ARHGEF10L: variants seen among roughly 807,000 people sequenced by gnomAD.
ARHGEF10L encodes the protein Rho guanine nucleotide exchange factor 10 like.
A neutral mutation model predicts 141.2 loss-of-function variants in ARHGEF10L; 69 were observed. The observed-to-expected ratio is 0.49, with a 90% CI of 0.40 to 0.60. The LOEUF (loss-of-function observed/expected upper bound fraction) is 0.60, where lower values mean the gene tolerates loss of function less well. ARHGEF10L is among the 20% of genes least tolerant of loss of function. ARHGEF10L has a pLI of 0.00. For missense variants in ARHGEF10L, 1,482 were observed against 1,734.3 expected, an observed-to-expected ratio of 0.85 and a Z score of 2.58; for synonymous variants, 711 against 718.5, an observed-to-expected ratio of 0.99 and a Z score of 0.17.
At chr1:17,525,701 AT>A in the ARHGEF10L span, among the ~76,000 whole-genome samples, 2,653 of 151,684 alleles carry the variant, frequency 0.017, 71 homozygotes, top group African/African-American at 0.055. Flanking sequence ...TCTTTTAATA[AT>A]TTTTTTTTAA....
intron 26 of ARHGEF10L, among the ~76,000 whole-genome samples, chr1:17,682,315 G>A (rs1019456526): frequency 1.3e-5 from 2 of 152,042 alleles, no homozygotes; most frequent in African/African-American, 4.8e-5. Context: ...ATTCCACACC[G>A]GACTCTCTTC....
At chr1:17,680,779 T>C (rs1309374865) in intron 26 of ARHGEF10L, among the ~76,000 whole-genome samples, 1 of 143,510 alleles carries the variant, frequency 7.0e-6, no homozygotes, top group African/African-American at 2.6e-5. Flanking sequence ...TTGCCTTTTC[T>C]CCCATAACTT....
chr1:17,603,978 C>T lies in ARHGEF10L; in HGVS notation c.433+387C>T, dbSNP rs982007535. Among the ~76,000 whole-genome samples, 18 of 152,130 alleles carry T rather than the reference C, an allele frequency of 1.2e-4. No homozygotes were observed. The highest frequency in any genetic ancestry group is 2.2e-4 in the Non-Finnish European group (15 of 68,016). On this transcript the variant is annotated intron_variant, in intron 6 of 28. Transcript: ENST00000361221. The surrounding 1 kb of genome is among the most constrained non-coding windows in gnomAD (Gnocchi z 4.8). ...GCTTTGCAAAGCCCTGCGCCCTGCT[C>T]TGGGTTGAGGGCTGAGGTGGGCAGG...
At chr1:17,635,511 A>G (rs966513651) in intron 18 of ARHGEF10L, among the ~76,000 whole-genome samples, 2 of 151,934 alleles carry the variant, frequency 1.3e-5, no homozygotes, top group African/African-American at 4.8e-5. Flanking sequence ...GGGCTCCTGG[A>G]TGGGCCATGC....
chr1:17,530,952 C>G, the ARHGEF10L span, among the ~76,000 whole-genome samples: 2 of 151,828 alleles, frequency 1.3e-5, no homozygotes, highest in African/African-American at 4.8e-5. Context: ...TTGCAATGAG[C>G]CGAGATCGTG....
the ARHGEF10L span, among the ~76,000 whole-genome samples, chr1:17,520,885 G>C: frequency 6.6e-6 from 1 of 152,206 alleles, no homozygotes; most frequent in Non-Finnish European, 1.5e-5. Context: ...AACTGAGGTG[G>C]ATTGATGCAT....
intron 4 of ARHGEF10L, among the ~76,000 whole-genome samples, chr1:17,598,232 G>A (rs1357512450): frequency 6.6e-6 from 1 of 151,998 alleles, no homozygotes; most frequent in Non-Finnish European, 1.5e-5. Flanking sequence ...CTCCTGAGTA[G>A]CTGGGATTAC....
Position 17,588,465 on chromosome 1 carries a change from T to C in ARHGEF10L, c.243T>C (p.Ala81=). The C allele has an allele frequency of 6.2e-7, 1 of 1,613,902 alleles. No homozygotes were observed. The highest frequency in any genetic ancestry group is 1.1e-5 in the South Asian group (1 of 91,066). The part of the protein sequence containing the change: ...IPVTDPDPAA[A]PPGTGVPAWV... ...TTGCAGACCCAGACCCAGCAGCTGC[T>C]CCACCCGGCACAGGGTAAGTGAACC... Residue 81 remains alanine (A), a synonymous_variant, in exon 4 of 29, where the codon GCT becomes GCC. Transcript: ENST00000361221.
chr1:17,531,355 C>A, the ARHGEF10L span, among the ~76,000 whole-genome samples: 2 of 152,190 alleles, frequency 1.3e-5, no homozygotes, highest in Non-Finnish European at 2.9e-5. Flanking sequence ...ACATGACCAT[C>A]CTGGTGAAGG....
At chr1:17,533,758 C>A in the ARHGEF10L span, among the ~76,000 whole-genome samples, 1 of 152,278 alleles carries the variant, frequency 6.6e-6, no homozygotes, top group South Asian at 2.1e-4. Flanking sequence ...AGGGTTTCAT[C>A]TTGATGAGAC....
intron 23 of ARHGEF10L, 59 bp from the exon 24 acceptor site, chr1:17,655,820 C>T (rs2062205381): frequency 6.8e-7 from 1 of 1,466,150 alleles, no homozygotes; most frequent in African/African-American, 1.4e-5. Flanking sequence ...GGGCTGAGGT[C>T]CTCCTCTGCT....
rs2077755020 is a variant in ARHGEF10L at position 17,566,351 on chromosome 1, A to T, written c.-43-14202A>T. Among the ~76,000 whole-genome samples the T allele has an allele frequency of 2.0e-5, 3 of 152,240 alleles. 1 individual carries two copies. In the South Asian group the frequency reaches 6.2e-4, roughly 32 times the overall value. ...CATTGCCAAATGTCCCTTGGGGGAC[A>T]CAACAGCCCCTGGTTGAGAACCATG... On this transcript the variant is annotated intron_variant, in intron 1 of 28. Coordinates refer to ENST00000361221, the MANE Select transcript of ARHGEF10L (RefSeq NM_018125.4).
chr1:17,634,802 C>A, intron 17 of ARHGEF10L, 33 bp from the exon 18 acceptor site: 2 of 1,578,142 alleles, frequency 1.3e-6, no homozygotes, highest in Non-Finnish European at 1.7e-6. Context: ...TGGCTGCAGC[C>A]TCTCCAGGGC....
chr1:17,683,738 T>A (rs11203435), intron 26 of ARHGEF10L, among the ~76,000 whole-genome samples: 34,343 of 152,138 alleles, frequency 0.23, 4,593 homozygotes, highest in African/African-American at 0.37. Context: ...AGCCTTCTGC[T>A]AAGCCCTCTG....
Position 17,656,046 on chromosome 1 carries a change from T to C in ARHGEF10L, c.2649T>C (p.Val883=), listed in dbSNP as rs768194821. The change falls in exon 24 of 29, where the codon GTT becomes GTC. Residue 883 remains valine (V), a synonymous_variant. Coordinates refer to ENST00000361221, the MANE Select transcript of ARHGEF10L (RefSeq NM_018125.4). This position sits in a 1 kb window ranked among gnomAD's most constrained non-coding sequence, Gnocchi z 4.9. ...EAESRDESPT[V]ADPSATVHPT... is the part of the protein sequence containing the mutation. Reference sequence around the variant, plus strand: ...AGAGCAGAGACGAGAGCCCGACAGTTGCTGACCCCTCGGCCACGGTGCATC... The same window carrying C: ...AGAGCAGAGACGAGAGCCCGACAGTCGCTGACCCCTCGGCCACGGTGCATC... The C allele has an allele frequency of 1.5e-5, 23 of 1,568,986 alleles. No individual in the cohort carries two copies. The highest frequency in any genetic ancestry group is 2.0e-5 in the Non-Finnish European group (23 of 1,156,546).
At chr1:17,526,093 A>T in the ARHGEF10L span, among the ~76,000 whole-genome samples, 1 of 151,490 alleles carries the variant, frequency 6.6e-6, no homozygotes, top group Non-Finnish European at 1.5e-5. Context: ...CCCACCCCCT[A>T]TTCCTCAGGG....
chr1:17,617,947 T>C (rs943287054), intron 9 of ARHGEF10L, among the ~76,000 whole-genome samples: 1 of 152,050 alleles, frequency 6.6e-6, no homozygotes, highest in Non-Finnish European at 1.5e-5. Context: ...CTTTTTCCCC[T>C]CTTGGGGCGG....
chr1:17,558,115 A>G lies in ARHGEF10L; in HGVS notation c.-44+18165A>G, dbSNP rs564509844. On this transcript the variant is annotated intron_variant, in intron 1 of 28. Transcript: ENST00000361221. The surrounding 1 kb of genome is among the most constrained non-coding windows in gnomAD (Gnocchi z 4.2). ...CTGTCTACCCGTTTGTCCATTGTCC[A>G]TCCATCCATCCATTCACTCATCCAT... 5.3e-5 allele frequency among the ~76,000 whole-genome samples: 8 copies of G among 151,704 alleles called. No homozygotes were observed. Among genetic ancestry groups the G allele is most frequent in the African/African-American group, 1.9e-4 (8 of 41,320 alleles).
chr1:17,595,717 G>A lies in ARHGEF10L; in HGVS notation c.258-6410G>A, dbSNP rs1267250212. 5.9e-5 allele frequency among the ~76,000 whole-genome samples: 9 copies of A among 152,176 alleles called. No homozygotes were observed. The South Asian group carries it at 1.4e-3, about 25-fold the overall frequency. ...GCAGGTGAGGCCCCCGTGCCTGGAG[G>A]AGAGGCGGAGGGAAGGAGGGGGCGG... On this transcript the variant is annotated intron_variant, in intron 4 of 28. Coordinates refer to ENST00000361221, the MANE Select transcript of ARHGEF10L (RefSeq NM_018125.4).
Sources: gnomAD v4.1 joint callset for allele counts (sites outside exome capture counted in the v4.1 genomes callset) on GRCh38, gnomAD v4.1.1 for gene constraint, Gnocchi (gnomAD v3.1) non-coding constraint, MANE v1.5 for transcripts, NCBI Gene and HGNC (gene_info 2026-07-23, HGNC 2026-07-21) for gene names.